Variants in DCC observed in about 807,000 individuals in gnomAD.
The protein encoded by DCC is DCC netrin 1 receptor, also known as netrin receptor DCC.
A neutral mutation model predicts 172.5 loss-of-function variants in DCC; 58 were observed. The ratio of observed to expected loss-of-function variants is 0.34; its 90% CI spans 0.27 to 0.42. The LOEUF (loss-of-function observed/expected upper bound fraction) is 0.42, where lower values mean the gene tolerates loss of function less well. Ranked by LOEUF, DCC falls within the 10% of genes least tolerant of loss-of-function variation. DCC has a pLI of 1.00. For synonymous variants in DCC, 709 were observed against 644.5 expected (o/e 1.10, Z -1.52); for missense variants, 1,740 against 1,791.0 (o/e 0.97, Z 0.51).
intron 1 of DCC, among the ~76,000 whole-genome samples, chr18:52,676,054 A>G (rs972272712): frequency 2.0e-5 from 3 of 152,198 alleles, no homozygotes; most frequent in Non-Finnish European, 4.4e-5. Flanking sequence ...GATATATTCT[A>G]TTCTTCACAT....
At chr18:52,708,325 C>T (rs1032313748) in intron 1 of DCC, among the ~76,000 whole-genome samples, 1 of 151,878 alleles carries the variant, frequency 6.6e-6, no homozygotes, top group Non-Finnish European at 1.5e-5. Flanking sequence ...GCCTGTAGTC[C>T]CAGCTACTTG....
chr18:52,733,399 T>C (rs535886674), intron 1 of DCC, among the ~76,000 whole-genome samples: 17 of 152,318 alleles, frequency 1.1e-4, no homozygotes, highest in African/African-American at 4.1e-4. Flanking sequence ...TTTTTGATCA[T>C]TTGGTCTCAG....
At chr18:53,463,268 C>T (rs946144282) in intron 24 of DCC, among the ~76,000 whole-genome samples, 2 of 152,236 alleles carry the variant, frequency 1.3e-5, no homozygotes, top group Admixed American at 6.5e-5. Context: ...AAGTTGATAT[C>T]TCTTAATAAG....
At chr18:52,340,938 A>G in intron 1 of DCC, 60 bp downstream of exon 1, 1 of 1,324,812 alleles carries the variant, frequency 7.5e-7, no homozygotes, top group Non-Finnish European at 1.1e-6. Context: ...TTCCCTTCTC[A>G]TTTCATTTGG....
At chr18:53,075,169 A>C (rs1263943521) in intron 7 of DCC, among the ~76,000 whole-genome samples, 1 of 152,230 alleles carries the variant, frequency 6.6e-6, no homozygotes, top group Admixed American at 6.5e-5. Flanking sequence ...TTTTTAGCCT[A>C]GTGGACAAGG....
chr18:52,606,071 A>T (rs2034124613), intron 1 of DCC, among the ~76,000 whole-genome samples: 1 of 152,126 alleles, frequency 6.6e-6, no homozygotes, highest in South Asian at 2.1e-4. Flanking sequence ...AGTGTCATAT[A>T]GGTGGTTTTG....
chr18:53,381,956 T>C (rs1008639856), intron 15 of DCC, among the ~76,000 whole-genome samples: 10 of 151,934 alleles, frequency 6.6e-5, no homozygotes, highest in Non-Finnish European at 1.3e-4. Context: ...GAATAGTGGC[T>C]CCACTCTTTA....
chr18:52,700,343 A>G (rs1190281393), intron 1 of DCC, among the ~76,000 whole-genome samples: 1 of 142,812 alleles, frequency 7.0e-6, no homozygotes, highest in Non-Finnish European at 1.5e-5. Context: ...ACACCCATGC[A>G]CACTCACTCA....
intron 1 of DCC, among the ~76,000 whole-genome samples, chr18:52,607,994 C>G (rs1414662380): frequency 6.6e-6 from 1 of 152,060 alleles, no homozygotes; most frequent in Non-Finnish European, 1.5e-5. Context: ...TGACTTGCAA[C>G]ATGGAGGAAC....
At chr18:53,427,814 A>G (rs1378768498) in intron 21 of DCC, among the ~76,000 whole-genome samples, 1 of 124,874 alleles carries the variant, frequency 8.0e-6, no homozygotes, top group Non-Finnish European at 1.6e-5. Context: ...AGAAATATAT[A>G]TAATATATTA....
chr18:53,481,539 G>A (rs1038246573), intron 25 of DCC, among the ~76,000 whole-genome samples: 9 of 152,120 alleles, frequency 5.9e-5, no homozygotes, highest in Admixed American at 5.9e-4. Flanking sequence ...ATTTCCAAAT[G>A]TCCCAGATAA....
At chr18:53,144,791 A>G (rs967994362) in intron 7 of DCC, among the ~76,000 whole-genome samples, 2 of 152,146 alleles carry the variant, frequency 1.3e-5, no homozygotes, top group African/African-American at 4.8e-5. Flanking sequence ...AACTGAACTC[A>G]AGGTACTTTA....
At chr18:53,426,465 A>T (rs1171650024) in intron 21 of DCC, among the ~76,000 whole-genome samples, 1 of 112,790 alleles carries the variant, frequency 8.9e-6, no homozygotes, top group Non-Finnish European at 2.1e-5. Flanking sequence ...ATATATATTT[A>T]TTATATATAT....
Position 53,230,874 on chromosome 18 carries a change from T to C in DCC, c.1911+15277T>C, listed in dbSNP as rs549978841. 2.2e-4 allele frequency among the ~76,000 whole-genome samples: 34 copies of C among 152,180 alleles called. No homozygotes were observed. In the South Asian group the frequency reaches 3.1e-3, roughly 14 times the overall value. ...AGTAAATTCAGTGATTTTTTGGAAA[T>C]ATGTATGTGAAGGAAGGATGTAAGT... On this transcript the variant is annotated intron_variant, in intron 12 of 28. Transcript: ENST00000442544.
intron 2 of DCC, among the ~76,000 whole-genome samples, chr18:52,896,865 AG>A (rs1438546754): frequency 2.8e-5 from 2 of 70,834 alleles, no homozygotes; most frequent in African/African-American, 9.6e-5. Context: ...GCTGAAATCC[AG>A]TTCTGGATTT....
At chr18:53,157,000 A>G (rs184932016) in intron 7 of DCC, among the ~76,000 whole-genome samples, 144 of 152,298 alleles carry the variant, frequency 9.5e-4, no homozygotes, top group African/African-American at 3.3e-3. Context: ...CCACAGTTCT[A>G]AGGTCTTTCT....
At chr18:52,538,566 G>T (rs1460627177) in intron 1 of DCC, among the ~76,000 whole-genome samples, 1 of 152,010 alleles carries the variant, frequency 6.6e-6, no homozygotes, top group Non-Finnish European at 1.5e-5. Context: ...GGTAGGTTTT[G>T]TCTATCTCCT....
chr18:53,471,561 C>T (rs1465771578), intron 25 of DCC, among the ~76,000 whole-genome samples: 1 of 152,172 alleles, frequency 6.6e-6, no homozygotes, highest in Non-Finnish European at 1.5e-5. Context: ...TCTACAAGGT[C>T]CCATGTGATT....
At chr18:53,412,511 T>C (rs1222501357) in intron 20 of DCC, among the ~76,000 whole-genome samples, 7 of 151,984 alleles carry the variant, frequency 4.6e-5, no homozygotes, top group Admixed American at 3.9e-4. Context: ...ACACCAAAGA[T>C]AAAATCATGC....
Sources: gnomAD v4.1 joint callset for allele counts (sites outside exome capture counted in the v4.1 genomes callset) on GRCh38, gnomAD v4.1.1 for gene constraint, MANE v1.5 for transcripts, NCBI Gene and HGNC (gene_info 2026-07-23, HGNC 2026-07-21) for gene names.